The following EPB41L4A variants were observed in gnomAD, a reference collection of about 807,000 sequenced individuals.
EPB41L4A encodes the protein band 4.1-like protein 4A.
A neutral mutation model predicts 108.6 loss-of-function variants in EPB41L4A; 100 were observed. The ratio of observed to expected loss-of-function variants is 0.92; its 90% CI spans 0.78 to 1.09. EPB41L4A has a LOEUF of 1.09. Ranked by LOEUF, EPB41L4A falls within the 50% of genes least tolerant of loss-of-function variation. The probability of loss-of-function intolerance (pLI) is 0.00; values close to 1 mark genes in which losing one functional copy is unlikely to be tolerated. For synonymous variants in EPB41L4A, 319 were observed against 289.0 expected, an observed-to-expected ratio of 1.10 and a Z score of -1.05; for missense variants, 1,030 against 842.7, an observed-to-expected ratio of 1.22 and a Z score of -2.75.
At chr5:112,418,424 G>C (rs761224949) in intron 1 of EPB41L4A, among the ~76,000 whole-genome samples, 1 of 152,180 alleles carries the variant, frequency 6.6e-6, no homozygotes, top group African/African-American at 2.4e-5. Flanking sequence ...GCTGTAGAAA[G>C]GGAAAATATT....
intron 1 of EPB41L4A, among the ~76,000 whole-genome samples, chr5:112,366,426 C>A (rs1385397676): frequency 6.6e-6 from 1 of 152,112 alleles, no homozygotes; most frequent in Non-Finnish European, 1.5e-5. Context: ...GACAGCCCAA[C>A]AAGAGATGGT....
At chr5:112,195,057 G>A (rs1674982090) in intron 16 of EPB41L4A, among the ~76,000 whole-genome samples, 3 of 152,040 alleles carry the variant, frequency 2.0e-5, no homozygotes. Context: ...ATTTACACTG[G>A]TCTTGTGACT....
At chr5:112,398,496 C>A (rs1029532509) in intron 1 of EPB41L4A, among the ~76,000 whole-genome samples, 1 of 152,180 alleles carries the variant, frequency 6.6e-6, no homozygotes, top group African/African-American at 2.4e-5. Context: ...TCAAGTGATT[C>A]TCATGCCTCA....
intron 1 of EPB41L4A, among the ~76,000 whole-genome samples, chr5:112,361,863 T>C (rs965342602): frequency 3.3e-5 from 5 of 152,044 alleles, no homozygotes; most frequent in African/African-American, 1.2e-4. Flanking sequence ...TTCAGCCTGG[T>C]CAACAGAGCA....
At chr5:112,384,944 G>A (rs1370424535) in intron 1 of EPB41L4A, among the ~76,000 whole-genome samples, 3 of 152,340 alleles carry the variant, frequency 2.0e-5, no homozygotes, top group East Asian at 1.9e-4. Flanking sequence ...ATTTGCTAGG[G>A]TTGCCAGTCC....
intron 2 of EPB41L4A, among the ~76,000 whole-genome samples, chr5:112,303,779 G>T (rs1754525233): frequency 6.6e-6 from 1 of 152,116 alleles, no homozygotes; most frequent in South Asian, 2.1e-4. Context: ...AGGAAACAAT[G>T]GGATTTCAGA....
rs999007314 is a variant in EPB41L4A at position 112,164,163 on chromosome 5, A to G, written c.*827T>C. On this transcript the variant is annotated 3_prime_UTR_variant, in exon 23 of 23. Transcript: ENST00000261486. Reference sequence around the variant, plus strand: ...CTGAAAACGCAAGAACACTTTAGAAATTAACAACACTTAAAGCTTTTTACA... The same window carrying G: ...CTGAAAACGCAAGAACACTTTAGAAGTTAACAACACTTAAAGCTTTTTACA... The G allele has an allele frequency of 1.3e-5, 2 of 152,366 alleles. No individual in the cohort carries two copies. Among genetic ancestry groups the G allele is most frequent in the Admixed American group, 1.3e-4 (2 of 15,306 alleles). 9.4% of individuals were successfully genotyped at this position (152,366 alleles called of 1,614,324 possible). A position where few individuals can be genotyped will look rare whatever the true frequency, so the allele number is the denominator to read the frequency against.
At chr5:112,157,986 T>C (rs1759709305), downstream of EPB41L4A, among the ~76,000 whole-genome samples, 1 of 152,196 alleles carries the variant, frequency 6.6e-6, no homozygotes, top group African/African-American at 2.4e-5. Context: ...TGCTTACCTG[T>C]ACTTAGTAAT....
intron 12 of EPB41L4A, among the ~76,000 whole-genome samples, chr5:112,218,173 T>C (rs1580455608): frequency 1.3e-5 from 2 of 152,172 alleles, no homozygotes; most frequent in Non-Finnish European, 2.9e-5. Flanking sequence ...CATCTGCTCA[T>C]TCCCTTAGAA....
intron 1 of EPB41L4A, among the ~76,000 whole-genome samples, chr5:112,336,730 C>T (rs1040290886): frequency 5.9e-5 from 9 of 152,132 alleles, no homozygotes; most frequent in Non-Finnish European, 1.2e-4. Flanking sequence ...CACTGAGATA[C>T]AAGGTCAGAA....
chr5:112,233,976 G>T (rs78657434), intron 12 of EPB41L4A, among the ~76,000 whole-genome samples: 1 of 151,710 alleles, frequency 6.6e-6, no homozygotes, highest in African/African-American at 2.4e-5. Context: ...TTACAGGTAT[G>T]AGCCATTGTG....
chr5:112,161,137 C>G (rs146721641), downstream of EPB41L4A: 154 of 189,156 alleles, frequency 8.1e-4, 1 homozygote, highest in African/African-American at 3.5e-3. Context: ...AGGGAGTTCT[C>G]CAGATAAGCC....
intron 1 of EPB41L4A, among the ~76,000 whole-genome samples, chr5:112,391,235 A>C (rs1207702297): frequency 6.6e-6 from 1 of 152,228 alleles, no homozygotes; most frequent in Admixed American, 6.5e-5. Flanking sequence ...TGATGAGTTG[A>C]CAGAAGTAGG....
chr5:112,157,370 A>C (rs900160988), intron 12 of EPB41L4A, among the ~76,000 whole-genome samples: 2 of 152,354 alleles, frequency 1.3e-5, no homozygotes, highest in Non-Finnish European at 2.9e-5. Context: ...ATGGGACAAG[A>C]AATGGTGGAG....
chr5:112,143,846 G>A (rs1358223268), exon 14 of EPB41L4A: 1 of 455,616 alleles, frequency 2.2e-6, no homozygotes, highest in Admixed American at 2.4e-5. Flanking sequence ...TTCATGTGCT[G>A]ACCCTGTATA....
At chr5:112,160,889 G>C (rs368268250), downstream of EPB41L4A, 7 of 156,298 alleles carry the variant, frequency 4.5e-5, no homozygotes, top group African/African-American at 1.7e-4. Flanking sequence ...GTGCGAGCTT[G>C]CTGTGGTTTT....
intron 9 of EPB41L4A, among the ~76,000 whole-genome samples, chr5:112,255,065 G>C (rs142050296): frequency 7.2e-5 from 11 of 151,802 alleles, no homozygotes; most frequent in Admixed American, 6.6e-5. Flanking sequence ...CTTTCAGACC[G>C]TTCTCTTTCC....
At chr5:112,230,539 C>A (rs563842656) in intron 12 of EPB41L4A, among the ~76,000 whole-genome samples, 1 of 152,224 alleles carries the variant, frequency 6.6e-6, no homozygotes, top group South Asian at 2.1e-4. Context: ...CTTTTGAGAA[C>A]TGTCTATTCG....
At chr5:112,321,898 T>A (rs572354732) in intron 1 of EPB41L4A, among the ~76,000 whole-genome samples, 1 of 152,296 alleles carries the variant, frequency 6.6e-6, no homozygotes, top group South Asian at 2.1e-4. Context: ...CCTCCCACCT[T>A]TAAACCTGTG....
Sources: gnomAD v4.1 joint callset for allele counts (sites outside exome capture counted in the v4.1 genomes callset) on GRCh38, gnomAD v4.1.1 for gene constraint, MANE v1.5 for transcripts, NCBI Gene and HGNC (gene_info 2026-07-23, HGNC 2026-07-21) for gene names.